Variants in TRIM60 observed in about 807,000 individuals in gnomAD.
TRIM60 encodes tripartite motif-containing protein 60.
For synonymous variants in TRIM60, 189 were observed against 195.2 expected (o/e 0.97, Z 0.27); for missense variants, 524 against 540.8 (o/e 0.97, Z 0.31).
At chr4:165,038,905 CTA>C (rs2111214758) in intron 1 of TRIM60, among the ~76,000 whole-genome samples, 1 of 151,884 alleles carries the variant, frequency 6.6e-6, no homozygotes, top group African/African-American at 2.4e-5. Flanking sequence ...TCTACCAAAA[CTA>C]TGAAAATTAG....
chr4:165,037,301 C>T (rs1188098340), intron 1 of TRIM60, among the ~76,000 whole-genome samples: 1 of 151,924 alleles, frequency 6.6e-6, no homozygotes, highest in Non-Finnish European at 1.5e-5. Flanking sequence ...TTGGATACGC[C>T]TATCAAATCA....
chr4:165,040,971 A>T lies in TRIM60; in HGVS notation c.899A>T (p.Asp300Val). 1 of 1,614,090 alleles carries T rather than the reference A, an allele frequency of 6.2e-7. No individual in the cohort carries two copies. Among genetic ancestry groups the T allele is most frequent in the Non-Finnish European group, 8.5e-7 (1 of 1,179,936 alleles). The change falls in exon 3 of 3, where the codon GAT becomes GTT. Residue 300 changes from aspartate to valine, a missense_variant. Coordinates refer to ENST00000512596, the MANE Select transcript of TRIM60 (RefSeq NM_152620.3). ...CCATTTCAAGTAGATGTGATTCTAG[A>T]TCTCAACACAGCACATCCTCAACTT... ...IKPFQVDVILDLNTAHPQLLV... is the reference protein window; with the variant it reads ...IKPFQVDVILVLNTAHPQLLV...
At position 165,040,542 on chromosome 4, in the gene TRIM60, G is replaced by T. The variant is rs750193440; in HGVS notation, c.470G>T (p.Arg157Leu). 1 of 1,613,760 alleles carries T rather than the reference G, an allele frequency of 6.2e-7. No individual in the cohort carries two copies. The highest frequency in any genetic ancestry group is 8.5e-7 in the Non-Finnish European group (1 of 1,180,006). The change falls in exon 3 of 3, where the codon CGA (arginine) becomes CTA (leucine). Residue 157 changes from arginine to leucine, a missense_variant. Coordinates refer to ENST00000512596, the MANE Select transcript of TRIM60 (RefSeq NM_152620.3). Reference sequence around the variant, plus strand: ...GAGCCCTTGAGGAATAATATAGAACGAGTTGAAAAAGTGATAATTCTGCAA... The same window carrying T: ...GAGCCCTTGAGGAATAATATAGAACTAGTTGAAAAAGTGATAATTCTGCAA... Reference protein sequence around the residue: ...SLEPLRNNIERVEKVIILQGS... With the variant: ...SLEPLRNNIELVEKVIILQGS...
intron 1 of TRIM60, among the ~76,000 whole-genome samples, chr4:165,032,764 C>T (rs1733534285): frequency 6.6e-6 from 1 of 152,116 alleles, no homozygotes; most frequent in Non-Finnish European, 1.5e-5. Flanking sequence ...GAAACTGCTA[C>T]GGATGAGAAA....
intron 1 of TRIM60, among the ~76,000 whole-genome samples, chr4:165,036,575 A>T (rs546913345): frequency 3.0e-4 from 45 of 152,292 alleles, no homozygotes; most frequent in Admixed American, 7.2e-4. Flanking sequence ...AGAAGAAAAG[A>T]TGGTGTGCTT....
intron 1 of TRIM60, among the ~76,000 whole-genome samples, chr4:165,038,923 C>T (rs138697544): frequency 0.012 from 1,774 of 151,946 alleles, 18 homozygotes; most frequent in Non-Finnish European, 0.018. Context: ...ATTAGCCAGG[C>T]GTGGTGGTAG....
intron 1 of TRIM60, among the ~76,000 whole-genome samples, chr4:165,034,691 A>G (rs1733581550): frequency 6.6e-6 from 1 of 152,230 alleles, no homozygotes; most frequent in Non-Finnish European, 1.5e-5. Flanking sequence ...GTTAAAGGAC[A>G]CATTATTATT....
chr4:165,038,527 G>C (rs61226884), intron 1 of TRIM60, among the ~76,000 whole-genome samples: 26 of 151,192 alleles, frequency 1.7e-4, no homozygotes, highest in Admixed American at 6.0e-4. Flanking sequence ...TTAAAAATTA[G>C]CTGGGCCTGG....
chr4:165,032,703 T>C (rs1259926224), intron 1 of TRIM60, among the ~76,000 whole-genome samples: 1 of 152,184 alleles, frequency 6.6e-6, no homozygotes, highest in African/African-American at 2.4e-5. Context: ...GCGCCAGCAC[T>C]TCTCTGGCGG....
Position 165,041,407 on chromosome 4 carries a change from A to C in TRIM60, c.1335A>C (p.Thr445=), listed in dbSNP as rs1405233137. 1 of 1,613,052 alleles carries C rather than the reference A, an allele frequency of 6.2e-7. No individual in the cohort carries two copies. The highest frequency in any genetic ancestry group is 8.5e-7 in the Non-Finnish European group (1 of 1,179,342). The change falls in exon 3 of 3, where the codon ACA becomes ACC. Residue 445 remains threonine (T), a synonymous_variant. Transcript: ENST00000512596. ...TCTATACTTTTAACGATTGTTTCAC[A>C]GAAGCCGTTTGGCCTTATTTCTATA... ...SILYTFNDCF[T]EAVWPYFYTG...
At chr4:165,035,218 C>A (rs1327934803) in intron 1 of TRIM60, among the ~76,000 whole-genome samples, 4 of 152,180 alleles carry the variant, frequency 2.6e-5, no homozygotes, top group African/African-American at 4.8e-5. Context: ...GACATGCCAC[C>A]ATGCCTGGCT....
chr4:165,032,762 T>C (rs940844648), intron 1 of TRIM60, among the ~76,000 whole-genome samples: 2 of 152,196 alleles, frequency 1.3e-5, no homozygotes, highest in Non-Finnish European at 2.9e-5. Flanking sequence ...AGGAAACTGC[T>C]ACGGATGAGA....
intron 1 of TRIM60, among the ~76,000 whole-genome samples, chr4:165,036,020 C>A (rs1031314148): frequency 2.0e-5 from 3 of 152,122 alleles, no homozygotes; most frequent in Non-Finnish European, 2.9e-5. Flanking sequence ...ATGCACCCGA[C>A]CAATAGTGAG....
Position 165,040,616 on chromosome 4 carries a change from G to A in TRIM60, c.544G>A (p.Glu182Lys). The A allele has an allele frequency of 6.2e-7, 1 of 1,613,974 alleles. No individual in the cohort carries two copies. The highest frequency in any genetic ancestry group is 8.5e-7 in the Non-Finnish European group (1 of 1,179,920). Residue 182 changes from glutamate (E) to lysine (K), a missense_variant, in exon 3 of 3, where the codon GAA becomes AAA. By Grantham distance (56) the Glu-to-Lys change is moderately conservative (BLOSUM62 1). Coordinates refer to ENST00000512596, the MANE Select transcript of TRIM60 (RefSeq NM_152620.3). ...AAAGAAGGTAGAATATAAGAGGGAA[G>A]AAATAAATTCTGAGTTTGAGCAAAT... ...LKKKVEYKRE[E>K]INSEFEQIRL...
rs185421180 is a variant in TRIM60 at position 165,037,771 on chromosome 4, C to G, written c.-56-1430C>G. Among the ~76,000 whole-genome samples the G allele has an allele frequency of 2.6e-5, 4 of 152,294 alleles. No homozygotes were observed. The East Asian group carries it at 7.7e-4, about 29-fold the overall frequency. Reference sequence around the variant, plus strand: ...AATGGGCTGAGTGCAGTGGAGCTCTCTTTTAATTTTGAACAGTTTCCCAAC... The same window carrying G: ...AATGGGCTGAGTGCAGTGGAGCTCTGTTTTAATTTTGAACAGTTTCCCAAC... On this transcript the variant is annotated intron_variant, in intron 1 of 2. Transcript: ENST00000512596.
In TRIM60 at chr4:165,033,435, C is replaced by T. The variant is rs78658141; in HGVS notation, c.-57+1323C>T. 5.7e-4 allele frequency among the ~76,000 whole-genome samples: 86 copies of T among 152,074 alleles called. No homozygotes were observed. The East Asian group carries it at 0.014, about 25-fold the overall frequency. On this transcript the variant is annotated intron_variant, in intron 1 of 2. Transcript: ENST00000512596. ...TCCAGTGTCCTTAACCAAAGGTTGACAAAAATAAATGTAAAAATCTCAACT... is the reference window on the plus strand; with the variant it reads ...TCCAGTGTCCTTAACCAAAGGTTGATAAAAATAAATGTAAAAATCTCAACT...
intron 1 of TRIM60, among the ~76,000 whole-genome samples, chr4:165,034,522 T>C (rs954459576): frequency 5.9e-5 from 9 of 152,216 alleles, no homozygotes; most frequent in Admixed American, 1.3e-4. Flanking sequence ...TATTTTGCAA[T>C]GTATTGGCTG....
intron 1 of TRIM60, among the ~76,000 whole-genome samples, chr4:165,038,862 G>T (rs1733683444): frequency 6.6e-6 from 1 of 151,832 alleles, no homozygotes; most frequent in Non-Finnish European, 1.5e-5. Context: ...ATCACATGAG[G>T]TCAGGAGTCT....
Position 165,034,445 on chromosome 4 carries a change from C to T in TRIM60, c.-57+2333C>T, listed in dbSNP as rs565475715. 2.0e-5 allele frequency among the ~76,000 whole-genome samples: 3 copies of T among 152,326 alleles called. No homozygotes were observed. The East Asian group carries it at 5.8e-4, about 29-fold the overall frequency. On this transcript the variant is annotated intron_variant, in intron 1 of 2. Transcript: ENST00000512596. ...GGGATTACAGGCGTGAGCCACTGCG[C>T]CCGTCCATGAAATACCCTTTTTTAC...
Sources: allele counts gnomAD v4.1 joint callset (sites outside exome capture counted in the v4.1 genomes callset), GRCh38; gene constraint gnomAD v4.1.1; transcripts MANE v1.5; gene names NCBI Gene and HGNC (gene_info 2026-07-23, HGNC 2026-07-21).